NSD2: variants seen among roughly 807,000 people sequenced by gnomAD.
NSD2 encodes nuclear receptor binding SET domain protein 2.
In NSD2, 12 loss-of-function variants were observed where a neutral mutation model predicts 139.0. That is an observed-to-expected ratio of 0.09 (90% CI 0.06 to 0.14). The LOEUF is 0.14. Among genes scored for constraint, NSD2 ranks in the 10% least tolerant of loss-of-function variants. NSD2 has a pLI of 1.00. For synonymous variants in NSD2, 669 were observed against 648.7 expected (o/e 1.03, Z -0.48); for missense variants, 1,155 against 1,745.0 (o/e 0.66, Z 6.02).
chr4:1,969,670 A>G (rs1033842953), intron 18 of NSD2, among the ~76,000 whole-genome samples: 5 of 152,104 alleles, frequency 3.3e-5, no homozygotes, highest in African/African-American at 9.7e-5. Flanking sequence ...GTCCTGTACA[A>G]TTGTGCTCCA....
At chr4:1,904,172 G>C (rs774083111) in intron 2 of NSD2, 44 bp from the exon 3 acceptor site, 1 of 1,592,332 alleles carries the variant, frequency 6.3e-7, no homozygotes, top group East Asian at 2.2e-5. Context: ...TACACAGGTA[G>C]TGATTGGATG....
In NSD2 at chr4:1,932,724, G is replaced by A. The variant is rs201632775; in HGVS notation, c.1555+1954G>A. On this transcript the variant is annotated intron_variant, in intron 6 of 21. Coordinates refer to ENST00000508803, the MANE Select transcript of NSD2 (RefSeq NM_001042424.3). ...TCGTGCCATTGGATTCCAGCCAATG[G>A]AATGGCCAACAGGAGCGAAACTCCA... is the stretch of plus-strand genomic sequence containing the variant. Among the ~76,000 whole-genome samples the A allele has an allele frequency of 6.2e-4, 94 of 152,310 alleles. No individual in the cohort carries two copies. In the East Asian group the frequency reaches 0.017, roughly 28 times the overall value.
rs766081594 is a variant in NSD2 at position 1,958,052 on chromosome 4, T to C, written c.2985+16T>C. 7 of 1,611,644 alleles carry C rather than the reference T, an allele frequency of 4.3e-6. No homozygotes were observed. The South Asian group carries it at 4.4e-5, about 10-fold the overall frequency. ...GCACATCAAGGTGGCGTGTGGGAGCTGCGTGCACGCGTGTGGAGGGAGTCT... is the reference window on the plus strand; with the variant it reads ...GCACATCAAGGTGGCGTGTGGGAGCCGCGTGCACGCGTGTGGAGGGAGTCT... On this transcript the variant is annotated intron_variant, in intron 16 of 21. Transcript: ENST00000508803. The surrounding 1 kb of genome is among the most constrained non-coding windows in gnomAD (Gnocchi z 4.6).
In NSD2 at chr4:1,890,797, C is replaced by T. The variant is rs1321806333; in HGVS notation, c.-29-9829C>T. 4.0e-5 allele frequency among the ~76,000 whole-genome samples: 6 copies of T among 151,762 alleles called. No homozygotes were observed. In the East Asian group the frequency reaches 1.2e-3, roughly 29 times the overall value. On this transcript the variant is annotated intron_variant, in intron 1 of 21. Coordinates refer to ENST00000508803, the MANE Select transcript of NSD2 (RefSeq NM_001042424.3). ...ATTTTTAGTAGAGACGGGGTTTCAC[C>T]ATGTTGGCCAGGCTGGTCTCGAACT...
At chr4:1,941,161 T>A (rs1407250956) in intron 9 of NSD2, 2 of 1,054,128 alleles carry the variant, frequency 1.9e-6, no homozygotes, top group African/African-American at 3.3e-5. Flanking sequence ...TTGTCCAAGT[T>A]CAGGTTAAAA....
Position 1,981,689 on chromosome 4 carries a change from G to A in NSD2, c.*2780G>A, listed in dbSNP as rs139523257. On this transcript the variant is annotated 3_prime_UTR_variant, in exon 22 of 22. Coordinates refer to ENST00000508803, the MANE Select transcript of NSD2 (RefSeq NM_001042424.3). ...GTCCATGGCTGGCTGGGTCCCCTTCGCAGTGTTTGTCTGTCTTGACATCTA... is the reference window on the plus strand; with the variant it reads ...GTCCATGGCTGGCTGGGTCCCCTTCACAGTGTTTGTCTGTCTTGACATCTA... The A allele has an allele frequency of 2.0e-4, 80 of 394,532 alleles. No individual in the cohort carries two copies. The East Asian group carries it at 2.2e-3, about 11-fold the overall frequency. The allele number at this position is 394,532 out of a possible 1,614,324, so 24.4% of individuals were successfully genotyped here. A position where few individuals can be genotyped will look rare whatever the true frequency, so the allele number is the denominator to read the frequency against.
intron 1 of NSD2, among the ~76,000 whole-genome samples, chr4:1,872,597 A>AGT (rs1713913042): frequency 2.1e-5 from 2 of 95,400 alleles, no homozygotes; most frequent in African/African-American, 4.0e-5. Context: ...TGTGTGAGAG[A>AGT]GAGAGAGAGA....
In NSD2 at chr4:1,974,986, G is replaced by A. The variant is rs375277590; in HGVS notation, c.3496G>A (p.Val1166Ile). ...GGACACTCGTGTGGGCCTGTTTGCC[G>A]TCTGTGACATTCCTGCAGGTACAAG... ...NGDTRVGLFA[V>I]CDIPAGTELT... Residue 1166 changes from valine (V) to isoleucine (I), a missense_variant, in exon 19 of 22, where the codon GTC becomes ATC. Val to Ile is a conservative substitution (Grantham distance 29). Coordinates refer to ENST00000508803, the MANE Select transcript of NSD2 (RefSeq NM_001042424.3). This position sits in a 1 kb window ranked among gnomAD's most constrained non-coding sequence, Gnocchi z 4.0. 1.9e-5 allele frequency: 31 copies of A among 1,614,002 alleles called. No homozygotes were observed. The highest frequency in any genetic ancestry group is 4.4e-5 in the South Asian group (4 of 91,084).
chr4:1,881,274 T>G (rs1234306048), intron 1 of NSD2, among the ~76,000 whole-genome samples: 1 of 152,160 alleles, frequency 6.6e-6, no homozygotes, highest in Admixed American at 6.5e-5. Flanking sequence ...TGTTTCTGTT[T>G]TTTTGAGACG....
At chr4:1,964,134 A>G (rs1296153237) in intron 18 of NSD2, among the ~76,000 whole-genome samples, 1 of 152,226 alleles carries the variant, frequency 6.6e-6, no homozygotes. Flanking sequence ...GACTACATTT[A>G]AAGGAGAATG....
chr4:1,909,531 T>G (rs1383931938), intron 3 of NSD2, among the ~76,000 whole-genome samples: 1 of 152,172 alleles, frequency 6.6e-6, no homozygotes, highest in African/African-American at 2.4e-5. Flanking sequence ...TGTCGTTGTT[T>G]TGGAAGGACA....
At chr4:1,943,754 T>C (rs1723340768) in intron 9 of NSD2, 3 of 1,057,168 alleles carry the variant, frequency 2.8e-6, no homozygotes, top group South Asian at 4.6e-5. Context: ...AATTTAAAGA[T>C]GGGGAAAAAA....
intron 9 of NSD2, among the ~76,000 whole-genome samples, chr4:1,949,686 C>A (rs1334058542): frequency 6.6e-6 from 1 of 151,864 alleles, no homozygotes; most frequent in Non-Finnish European, 1.5e-5. Context: ...ATCACTTGAA[C>A]CCAGGAGGCG....
intron 9 of NSD2, chr4:1,940,350 C>T (rs539388425): frequency 9.4e-7 from 1 of 1,067,672 alleles, no homozygotes; most frequent in Non-Finnish European, 1.1e-6. Context: ...TAATATGACT[C>T]CTGTGTTCTG....
At chr4:1,935,335 C>G in intron 7 of NSD2, 73 bp downstream of exon 7, 1 of 1,150,086 alleles carries the variant, frequency 8.7e-7, no homozygotes, top group East Asian at 2.4e-5. Context: ...TGTTTCCCTG[C>G]ATGGGAGCAC....
intron 5 of NSD2, among the ~76,000 whole-genome samples, chr4:1,919,770 A>T (rs554409531): frequency 2.0e-4 from 31 of 152,178 alleles, no homozygotes; most frequent in African/African-American, 7.5e-4. Context: ...CGTCTCTACT[A>T]AAAATACAAA....
intron 3 of NSD2, among the ~76,000 whole-genome samples, chr4:1,915,875 G>A (rs892911274): frequency 2.0e-5 from 3 of 152,144 alleles, no homozygotes; most frequent in Admixed American, 1.3e-4. Flanking sequence ...CCTGTGCCAG[G>A]GAGATCCCCC....
At chr4:1,961,179 T>C (rs1416046628) in intron 18 of NSD2, 28 bp downstream of exon 18, 3 of 1,561,064 alleles carry the variant, frequency 1.9e-6, no homozygotes, top group African/African-American at 2.7e-5. Context: ...TGTGAGCTTC[T>C]GCAGTGTGCT....
chr4:1,920,529 A>T (rs1719978089), intron 5 of NSD2, among the ~76,000 whole-genome samples: 1 of 152,244 alleles, frequency 6.6e-6, no homozygotes, highest in African/African-American at 2.4e-5. Flanking sequence ...AAGGCATTTG[A>T]TAAAATTCAT....
Sources: gnomAD v4.1 joint callset for allele counts (sites outside exome capture counted in the v4.1 genomes callset) on GRCh38, gnomAD v4.1.1 for gene constraint, Gnocchi (gnomAD v3.1) non-coding constraint, MANE v1.5 for transcripts, NCBI Gene and HGNC (gene_info 2026-07-23, HGNC 2026-07-21) for gene names.